DSP: variants seen among roughly 807,000 people sequenced by gnomAD.
DSP encodes desmoplakin, also known as 250/210 kDa paraneoplastic pemphigus antigen.
DSP carries 114 observed loss-of-function variants against 290.6 expected under a neutral mutation model. That is an observed-to-expected ratio of 0.39 (90% confidence interval 0.34 to 0.46). The LOEUF (loss-of-function observed/expected upper bound fraction) is 0.46, where lower values mean the gene tolerates loss of function less well. DSP is among the 20% of genes least tolerant of loss of function. DSP has a pLI of 0.99. For missense variants in DSP, 3,230 were observed against 3,495.8 expected (o/e 0.92, Z 1.92); for synonymous variants, 1,311 against 1,316.4 (o/e 1.00, Z 0.09).
Position 7,583,062 on chromosome 6 carries a change from C to G in DSP, c.5800C>G (p.Arg1934Gly). Residue 1934 changes from arginine (R) to glycine (G), a missense_variant, in exon 24 of 24, where the codon CGA becomes GGA. By Grantham distance (125) the Arg-to-Gly change is moderately radical. Transcript: ENST00000379802. This position sits in a 1 kb window ranked among gnomAD's most constrained non-coding sequence, Gnocchi z 4.0. Reference protein sequence around the residue: ...TQSQLETERSRYQREIDKLRQ... With the variant: ...TQSQLETERSGYQREIDKLRQ... The stretch of plus-strand genomic sequence containing the variant: ...GTCACAGTTAGAAACAGAACGCTCC[C>G]GATATCAGAGGGAGATTGATAAACT... 1 of 1,613,986 alleles carries G rather than the reference C, an allele frequency of 6.2e-7. No individual in the cohort carries two copies. The highest frequency in any genetic ancestry group is 8.5e-7 in the Non-Finnish European group (1 of 1,180,018).
At chr6:7,562,881 T>G (rs1010009052) in intron 5 of DSP, 101 bp downstream of exon 5, 1 of 1,544,370 alleles carries the variant, frequency 6.5e-7, no homozygotes, top group Non-Finnish European at 8.9e-7. Flanking sequence ...TGCTATTATT[T>G]CTTTCCCAGA....
intron 1 of DSP, among the ~76,000 whole-genome samples, chr6:7,551,365 A>G (rs900642913): frequency 2.0e-5 from 3 of 152,094 alleles, no homozygotes; most frequent in Non-Finnish European, 4.4e-5. Context: ...GGTGCCTCCC[A>G]TCTGTAATCC....
chr6:7,557,722 G>A (rs1336786261), intron 2 of DSP, among the ~76,000 whole-genome samples: 1 of 151,350 alleles, frequency 6.6e-6, no homozygotes. Context: ...AAAACATTAT[G>A]TTCTCATAAG....
Position 7,575,494 on chromosome 6 carries a change from C to T in DSP, c.2630+6C>T, listed in dbSNP as rs1432162667. The T allele has an allele frequency of 6.2e-7, 1 of 1,614,060 alleles. No individual in the cohort carries two copies. Among genetic ancestry groups the T allele is most frequent in the South Asian group, 1.1e-5 (1 of 91,082 alleles). On this transcript the variant is annotated splice_donor_region_variant and intron_variant, in intron 18 of 23. Coordinates refer to ENST00000379802, the MANE Select transcript of DSP (RefSeq NM_004415.4). ...GATAAACAGATCGACTTTAGGTATG[C>T]CAGCCTCCTCCCGCTCCTTCCCCAT...
rs139434793 is a variant in DSP, at chr6:7,554,458, A to G, written c.171-1260A>G. Among the ~76,000 whole-genome samples, 386 of 152,282 alleles carry G rather than the reference A, an allele frequency of 2.5e-3. 1 individual carries two copies. The highest frequency in any genetic ancestry group is 4.5e-3 in the Non-Finnish European group (303 of 68,020). ...GGTTTCTGCTAGGTGTCTTCCAGAA[A>G]AGTGCCTCATTTGAAATGTACATTG... On this transcript the variant is annotated intron_variant, in intron 1 of 23. Coordinates refer to ENST00000379802, the MANE Select transcript of DSP (RefSeq NM_004415.4).
Position 7,576,943 on chromosome 6 carries a change from T to A in DSP, c.2794-16T>A. On this transcript the variant is annotated splice_polypyrimidine_tract_variant and intron_variant, in intron 19 of 23. Coordinates refer to ENST00000379802, the MANE Select transcript of DSP (RefSeq NM_004415.4). ...TGTATGCATTAACATTGGTAAATAT[T>A]TCACTTTTTGTATAGAACTTGCACA... 1 of 1,608,286 alleles carries A rather than the reference T, an allele frequency of 6.2e-7. No individual in the cohort carries two copies. The highest frequency in any genetic ancestry group is 8.5e-7 in the Non-Finnish European group (1 of 1,175,150).
chr6:7,582,877 C>T lies in DSP; in HGVS notation c.5615C>T (p.Ser1872Phe). Reference sequence around the variant, plus strand: ...CTGAATCAGTGGAAGACTCAATATTCCCGCAAGGAGGAGGCTATTAGGAAG... The same window carrying T: ...CTGAATCAGTGGAAGACTCAATATTTCCGCAAGGAGGAGGCTATTAGGAAG... Reference protein sequence around the residue: ...NDLNQWKTQYSRKEEAIRKIE... With the variant: ...NDLNQWKTQYFRKEEAIRKIE... The change falls in exon 24 of 24, where the codon TCC becomes TTC. Residue 1872 changes from serine to phenylalanine, a missense_variant. Physicochemically the swap from Ser to Phe is radical, Grantham distance 155. Transcript: ENST00000379802. The surrounding 1 kb of genome is among the most constrained non-coding windows in gnomAD (Gnocchi z 4.2). The T allele has an allele frequency of 6.2e-7, 1 of 1,613,962 alleles. No homozygotes were observed.
chr6:7,583,427 A>C lies in DSP; in HGVS notation c.6165A>C (p.Thr2055=). Residue 2055 remains threonine (T), a synonymous_variant, in exon 24 of 24, where the codon ACA becomes ACC. Coordinates refer to ENST00000379802, the MANE Select transcript of DSP (RefSeq NM_004415.4). The surrounding 1 kb of genome is among the most constrained non-coding windows in gnomAD (Gnocchi z 4.0). The stretch of plus-strand genomic sequence containing the variant: ...TGCTTCTGGAGGCCCAGGCAGCTAC[A>C]GGTGGTATAATTGATCCCCATCGGA... ...TVMLLEAQAA[T]GGIIDPHRNE... The C allele has an allele frequency of 6.2e-7, 1 of 1,614,206 alleles. No individual in the cohort carries two copies. Among genetic ancestry groups the C allele is most frequent in the Non-Finnish European group, 8.5e-7 (1 of 1,180,052 alleles).
At position 7,576,587 on chromosome 6, in the gene DSP, A is replaced by C; in HGVS notation, c.2793+131A>C. 3.4e-6 allele frequency: 4 copies of C among 1,191,250 alleles called. No individual in the cohort carries two copies. In the South Asian group the frequency reaches 5.2e-5, roughly 15 times the overall value. The allele number at this position is 1,191,250 out of a possible 1,614,324, so 73.8% of individuals were successfully genotyped here. On this transcript the variant is annotated intron_variant, in intron 19 of 23. Coordinates refer to ENST00000379802, the MANE Select transcript of DSP (RefSeq NM_004415.4). The stretch of plus-strand genomic sequence containing the variant: ...TTAATATTACTAACCCATTTTGTGA[A>C]GGCTTAAAGAATGCCCAGAGGAAAA...
At position 7,567,221 on chromosome 6, in the gene DSP, A is replaced by C. The variant is rs1038125672; in HGVS notation, c.1045-133A>C. On this transcript the variant is annotated intron_variant, in intron 8 of 23. Transcript: ENST00000379802. ...GTGAGAAATTCTCTTTCCAACTTTT[A>C]GAAAAATATCTGCTTGACTTAGAAT... 3 of 783,468 alleles carry C rather than the reference A, an allele frequency of 3.8e-6. No individual in the cohort carries two copies. In the African/African-American group the frequency reaches 5.1e-5, roughly 13 times the overall value. The allele number at this position is 783,468 out of a possible 1,614,324, so 48.5% of individuals were successfully genotyped here. A position where few individuals can be genotyped will look rare whatever the true frequency, so the allele number is the denominator to read the frequency against.
intron 17 of DSP, among the ~76,000 whole-genome samples, chr6:7,575,067 A>G (rs1206575291): frequency 6.6e-6 from 1 of 152,218 alleles, no homozygotes; most frequent in African/African-American, 2.4e-5. Flanking sequence ...AAACTTTAAT[A>G]TGTTCATATT....
chr6:7,581,249 A>G lies in DSP; in HGVS notation c.5059A>G (p.Lys1687Glu). ...TCACTTGAGGAATGAGCATTTCCAG[A>G]AGGCGATAGAAGATAAAAGCAGAAG... ...QAHLRNEHFQ[K>E]AIEDKSRSLN... is the part of the protein sequence containing the mutation. Residue 1687 changes from lysine (K) to glutamate (E), a missense_variant, in exon 23 of 24, where the codon AAG becomes GAG. Physicochemically the swap from Lys to Glu is moderately conservative, Grantham distance 56. Transcript: ENST00000379802. 6.2e-7 allele frequency: 1 copy of G among 1,614,182 alleles called. No homozygotes were observed. The highest frequency in any genetic ancestry group is 8.5e-7 in the Non-Finnish European group (1 of 1,180,046).
rs766022259 is a variant in DSP at position 7,565,348 on chromosome 6, C to A, written c.778-11C>A. ...TGTTATTTTAATGCTGCCTTTGAAC[C>A]TCCTGTGCAGAAAGCGTCCTTTGAG... On this transcript the variant is annotated splice_polypyrimidine_tract_variant and intron_variant, in intron 6 of 23. Transcript: ENST00000379802. This position sits in a 1 kb window ranked among gnomAD's most constrained non-coding sequence, Gnocchi z 4.2. 6.2e-7 allele frequency: 1 copy of A among 1,613,860 alleles called. No individual in the cohort carries two copies. The highest frequency in any genetic ancestry group is 8.5e-7 in the Non-Finnish European group (1 of 1,179,976).
rs1561680562 is a variant in DSP, at chr6:7,558,119, T to C, written c.277T>C (p.Leu93=). 3.7e-6 allele frequency: 6 copies of C among 1,614,246 alleles called. No individual in the cohort carries two copies. The highest frequency in any genetic ancestry group is 1.6e-4 in the Middle Eastern group (1 of 6,062). ...TCATGTGAGTGTTTTCTTTCAGGAA[T>C]TGAAGTATGGAGATGGAATACAACT... ...MRAELIVQPE[L]KYGDGIQLTR... Residue 93 remains leucine, a synonymous_variant, in exon 3 of 24, where the codon TTG becomes CTG. Transcript: ENST00000379802.
Position 7,559,316 on chromosome 6 carries a change from C to A in DSP, c.513C>A (p.Gly171=), listed in dbSNP as rs898065614. ...GGGCCAGCTCCAAGGGTGGTGGAGG[C>A]TACACTTGTCAGAGTGGCTCTGGCT... ...VRRASSKGGG[G]YTCQSGSGWD... is the part of the protein sequence containing the mutation. Residue 171 remains glycine (G), a synonymous_variant, in exon 4 of 24, where the codon GGC becomes GGA. Coordinates refer to ENST00000379802, the MANE Select transcript of DSP (RefSeq NM_004415.4). 2 of 1,613,916 alleles carry A rather than the reference C, an allele frequency of 1.2e-6. No individual in the cohort carries two copies. The highest frequency in any genetic ancestry group is 1.7e-6 in the Non-Finnish European group (2 of 1,180,040).
chr6:7,569,293 G>T lies in DSP; in HGVS notation c.1527G>T (p.Gly509=), dbSNP rs397516917. 1.2e-6 allele frequency: 2 copies of T among 1,614,146 alleles called. No individual in the cohort carries two copies. The highest frequency in any genetic ancestry group is 1.7e-6 in the Non-Finnish European group (2 of 1,180,036). The change falls in exon 12 of 24, where the codon GGG becomes GGT. Residue 509 remains glycine (G), a synonymous_variant. Transcript: ENST00000379802. ...TTGACATGCTTGTTCCCTCTGTGGG[G>T]CTGATCATCCCTCCTCCGAACCCAC... ...GGVDMLVPSV[G]LIIPPPNPLA... is the part of the protein sequence containing the mutation.
At chr6:7,559,021 G>A (rs991886044) in intron 3 of DSP, among the ~76,000 whole-genome samples, 4 of 152,038 alleles carry the variant, frequency 2.6e-5, no homozygotes, top group Non-Finnish European at 4.4e-5. Flanking sequence ...ATGCTGTTAC[G>A]CACTTTGAAC....
intron 17 of DSP, 145 bp downstream of exon 17, chr6:7,574,940 T>G: frequency 1.9e-6 from 2 of 1,071,240 alleles, no homozygotes; most frequent in Non-Finnish European, 2.8e-6. Context: ...AGTTGTCATC[T>G]CTGTAACTCT....
chr6:7,550,555 A>C (rs1758308471), intron 1 of DSP, among the ~76,000 whole-genome samples: 1 of 152,018 alleles, frequency 6.6e-6, no homozygotes, highest in African/African-American at 2.4e-5. Flanking sequence ...TTTCTTTTTA[A>C]CCACCGATGA....
Sources: allele counts gnomAD v4.1 joint callset (sites outside exome capture counted in the v4.1 genomes callset), GRCh38; gene constraint gnomAD v4.1.1; non-coding constraint Gnocchi (gnomAD v3.1); transcripts MANE v1.5; gene names NCBI Gene and HGNC (gene_info 2026-07-23, HGNC 2026-07-21).